CRACD: variants seen among roughly 807,000 people sequenced by gnomAD.
The protein encoded by CRACD is capping protein-inhibiting regulator of actin dynamics.
In CRACD, 56 loss-of-function variants were observed where a neutral mutation model predicts 106.8. That is an observed-to-expected ratio of 0.52 (90% confidence interval 0.42 to 0.66). The LOEUF is 0.66. CRACD is among the 30% of genes least tolerant of loss of function. The pLI, the probability that CRACD is intolerant of heterozygous loss-of-function variation, is 0.00. For missense variants in CRACD, 1,730 were observed against 1,623.2 expected, an observed-to-expected ratio of 1.07 and a Z score of -1.13; for synonymous variants, 754 against 670.8, an observed-to-expected ratio of 1.12 and a Z score of -1.92.
chr4:56,120,305 G>T (rs1186381710), intron 1 of CRACD, among the ~76,000 whole-genome samples: 14 of 152,058 alleles, frequency 9.2e-5, no homozygotes, highest in Non-Finnish European at 1.6e-4. Flanking sequence ...GAATAGCAGA[G>T]ACTCTGATCC....
chr4:56,294,913 C>CAA (rs56200534), intron 3 of CRACD, among the ~76,000 whole-genome samples: 35 of 72,110 alleles, frequency 4.9e-4, no homozygotes, highest in Non-Finnish European at 6.1e-4. Flanking sequence ...GACCTTGTCT[C>CAA]AAAAAAAAAA....
intron 1 of CRACD, among the ~76,000 whole-genome samples, chr4:56,076,722 A>G (rs9995243): frequency 0.069 from 10,513 of 152,096 alleles, 407 homozygotes; most frequent in East Asian, 0.12. Context: ...CTGGCCCTCC[A>G]GTGTGCTTTC....
chr4:56,095,311 T>C (rs988484474), intron 1 of CRACD, among the ~76,000 whole-genome samples: 1 of 152,076 alleles, frequency 6.6e-6, no homozygotes, highest in African/African-American at 2.4e-5. Flanking sequence ...AACATTTTAG[T>C]TGGGGAAGAC....
At chr4:56,182,863 ATGTG>A (rs34291347) in intron 2 of CRACD, among the ~76,000 whole-genome samples, 6,192 of 144,682 alleles carry the variant, frequency 0.043, 422 homozygotes, top group African/African-American at 0.14. Context: ...AAAAAAAGAT[ATGTG>A]TGTGTGTGTG....
At chr4:56,189,268 T>C (rs540066704) in intron 2 of CRACD, among the ~76,000 whole-genome samples, 165 of 152,104 alleles carry the variant, frequency 1.1e-3, no homozygotes, top group African/African-American at 3.5e-3. Flanking sequence ...TAGATAAATA[T>C]ATGCAAGAAT....
chr4:56,081,755 C>T (rs1223968776), intron 1 of CRACD, among the ~76,000 whole-genome samples: 5 of 151,934 alleles, frequency 3.3e-5, no homozygotes, highest in South Asian at 2.1e-4. Flanking sequence ...GCGGGTGGAT[C>T]GCTTGAGGTC....
At position 56,307,552 on chromosome 4, in the gene CRACD, T is replaced by A. The variant is rs1300197302; in HGVS notation, c.138T>A (p.Asn46Lys). 2 of 1,614,056 alleles carry A rather than the reference T, an allele frequency of 1.2e-6. No homozygotes were observed. Among genetic ancestry groups the A allele is most frequent in the Non-Finnish European group, 1.7e-6 (2 of 1,180,050 alleles). ...VKTLQQQLGK[N>K]IKFGQRSPNA... Reference sequence around the variant, plus strand: ...CTCTCCAGCAACAGTTGGGCAAGAATATCAAGTTTGGGCAGCGGTCACCCA... The same window carrying A: ...CTCTCCAGCAACAGTTGGGCAAGAAAATCAAGTTTGGGCAGCGGTCACCCA... The change falls in exon 5 of 11, where the codon AAT becomes AAA. Residue 46 changes from asparagine (N) to lysine (K), a missense_variant. This residue lies in a region of CRACD where 1,620 missense variants were observed against 1,481.6 expected (regional missense o/e 1.09). Coordinates refer to ENST00000682029, the MANE Select transcript of CRACD (RefSeq NM_001393381.1).
chr4:56,130,539 A>T (rs1293996907), intron 1 of CRACD, among the ~76,000 whole-genome samples: 3 of 151,966 alleles, frequency 2.0e-5, no homozygotes, highest in Admixed American at 2.0e-4. Context: ...ATCACTCCTT[A>T]TCTTTCTATT....
intron 2 of CRACD, among the ~76,000 whole-genome samples, chr4:56,181,962 T>C (rs886823545): frequency 1.8e-4 from 27 of 152,286 alleles, no homozygotes; most frequent in African/African-American, 6.3e-4. Flanking sequence ...TTTTGGGGGA[T>C]ACAATTCAAA....
intron 5 of CRACD, among the ~76,000 whole-genome samples, chr4:56,310,018 CAAA>C (rs34745980): frequency 6.2e-5 from 7 of 112,138 alleles, no homozygotes; most frequent in Non-Finnish European, 7.2e-5. Flanking sequence ...GACCCTGTCT[CAAA>C]AAAAAAAAAA....
At position 56,315,482 on chromosome 4, in the gene CRACD, C is replaced by G; in HGVS notation, c.1980C>G (p.Ser660Arg). ...GKAKPRQESPSSASALAEWAS... is the reference protein window; with the variant it reads ...GKAKPRQESPRSASALAEWAS... ...CTAAGCCCCGCCAGGAGTCTCCCAG[C>G]AGCGCGTCCGCACTCGCAGAATGGG... The change falls in exon 8 of 11, where the codon AGC becomes AGG. Residue 660 changes from serine to arginine, a missense_variant. By Grantham distance (110) the Ser-to-Arg change is moderately radical. Transcript: ENST00000682029. This position sits in a 1 kb window ranked among gnomAD's most constrained non-coding sequence, Gnocchi z 4.1. 1.2e-6 allele frequency: 2 copies of G among 1,613,244 alleles called. No individual in the cohort carries two copies. The highest frequency in any genetic ancestry group is 1.7e-6 in the Non-Finnish European group (2 of 1,179,814).
intron 2 of CRACD, among the ~76,000 whole-genome samples, chr4:56,184,582 G>A (rs1737004221): frequency 1.3e-5 from 2 of 152,146 alleles, no homozygotes; most frequent in Admixed American, 6.5e-5. Flanking sequence ...CTGGCACTTC[G>A]TAGCTGCAGA....
chr4:56,318,455 T>C (rs562691210), intron 8 of CRACD, among the ~76,000 whole-genome samples: 6 of 152,202 alleles, frequency 3.9e-5, no homozygotes, highest in Non-Finnish European at 7.3e-5. Flanking sequence ...CTGGCTTTCA[T>C]AGTATCTGCA....
chr4:56,318,515 A>C (rs1471554914), intron 8 of CRACD, among the ~76,000 whole-genome samples: 1 of 152,162 alleles, frequency 6.6e-6, no homozygotes, highest in Non-Finnish European at 1.5e-5. Context: ...TCTCCAAAGA[A>C]GTCATGCTTC....
Position 56,315,847 on chromosome 4 carries a change from C to A in CRACD, c.2345C>A (p.Pro782His), listed in dbSNP as rs1429890963. ...GPEKSEMHREPADTTEGCKFA... is the reference protein window; with the variant it reads ...GPEKSEMHREHADTTEGCKFA... ...GAGAAGTCGGAGATGCACCGGGAGC[C>A]CGCAGACACCACCGAGGGATGCAAA... The change falls in exon 8 of 11, where the codon CCC becomes CAC. Residue 782 changes from proline to histidine, a missense_variant. This residue lies in a region of CRACD where 1,620 missense variants were observed against 1,481.6 expected (regional missense o/e 1.09). Transcript: ENST00000682029. This position sits in a 1 kb window ranked among gnomAD's most constrained non-coding sequence, Gnocchi z 4.1. 1 of 1,614,122 alleles carries A rather than the reference C, an allele frequency of 6.2e-7. No homozygotes were observed.
At chr4:56,083,008 C>G (rs1733087226) in intron 1 of CRACD, among the ~76,000 whole-genome samples, 1 of 152,112 alleles carries the variant, frequency 6.6e-6, no homozygotes, top group African/African-American at 2.4e-5. Flanking sequence ...ACAAAAGAGA[C>G]AGATGTGCAG....
intron 1 of CRACD, among the ~76,000 whole-genome samples, chr4:56,081,184 TCAA>T (rs1733009920): frequency 6.6e-6 from 1 of 152,314 alleles, no homozygotes; most frequent in Non-Finnish European, 1.5e-5. Context: ...TTATCTCATA[TCAA>T]CAACAATTTG....
intron 1 of CRACD, among the ~76,000 whole-genome samples, chr4:56,084,799 T>G (rs909765382): frequency 6.6e-6 from 1 of 152,208 alleles, no homozygotes; most frequent in African/African-American, 2.4e-5. Context: ...GTCTGGTTAG[T>G]GTGGGAAGTT....
At chr4:56,211,555 G>A (rs1738408045) in intron 2 of CRACD, among the ~76,000 whole-genome samples, 4 of 152,332 alleles carry the variant, frequency 2.6e-5, no homozygotes, top group East Asian at 1.9e-4. Context: ...AGTTAGGAAG[G>A]TAGAGAAGAA....
Sources: gnomAD v4.1 joint callset for allele counts (sites outside exome capture counted in the v4.1 genomes callset) on GRCh38, gnomAD v4.1.1 for gene constraint, gnomAD v4.1.1 regional missense constraint, Gnocchi (gnomAD v3.1) non-coding constraint, MANE v1.5 for transcripts, NCBI Gene and HGNC (gene_info 2026-07-23, HGNC 2026-07-21) for gene names.